The following PRKCZ variants were observed in gnomAD, a reference collection of about 807,000 sequenced individuals.
PRKCZ encodes protein kinase C zeta, also known as protein kinase C zeta type.
A neutral mutation model predicts 79.5 loss-of-function variants in PRKCZ; 33 were observed. That is an observed-to-expected ratio of 0.41 (90% CI 0.31 to 0.55). The LOEUF is 0.55. PRKCZ is among the 20% of genes least tolerant of loss of function. PRKCZ has a pLI of 0.19. For missense variants in PRKCZ, 578 were observed against 813.5 expected, an observed-to-expected ratio of 0.71 and a Z score of 3.52; for synonymous variants, 342 against 320.9, an observed-to-expected ratio of 1.07 and a Z score of -0.70.
At position 2,174,041 on chromosome 1, in the gene PRKCZ, A is replaced by G. The variant is rs1473914287; in HGVS notation, c.1405+25A>G. The stretch of plus-strand genomic sequence containing the variant: ...GGTGCGTGCCCCGCTGTGCGTTCGT[A>G]CCCCTCACCTGCACGACTGTCTTCC... On this transcript the variant is annotated intron_variant, in intron 14 of 17. Coordinates refer to ENST00000378567, the MANE Select transcript of PRKCZ (RefSeq NM_002744.6). This position sits in a 1 kb window ranked among gnomAD's most constrained non-coding sequence, Gnocchi z 6.2. 1.9e-6 allele frequency: 3 copies of G among 1,567,194 alleles called. No homozygotes were observed. The highest frequency in any genetic ancestry group is 3.6e-5 in the Admixed American group (2 of 55,672).
intron 5 of PRKCZ, among the ~76,000 whole-genome samples, chr1:2,136,502 T>G (rs957499923): frequency 6.6e-6 from 1 of 152,072 alleles, no homozygotes; most frequent in South Asian, 2.1e-4. Flanking sequence ...GCAGAGGAGA[T>G]GCCAGGAGCA....
chr1:2,073,795 TCCCTG>T (rs1451267583), intron 4 of PRKCZ: 1 of 1,027,436 alleles, frequency 9.7e-7, no homozygotes, highest in East Asian at 9.6e-5. Context: ...CGCTCGAGCC[TCCCTG>T]CCTATTGTCG....
At chr1:2,095,012 T>C (rs1389892407) in intron 4 of PRKCZ, among the ~76,000 whole-genome samples, 1 of 152,128 alleles carries the variant, frequency 6.6e-6, no homozygotes, top group South Asian at 2.1e-4. Context: ...ATGCAGACAC[T>C]GACTGTCACC....
intron 16 of PRKCZ, among the ~76,000 whole-genome samples, chr1:2,183,203 C>T (rs1686971369): frequency 6.7e-6 from 1 of 149,604 alleles, no homozygotes; most frequent in South Asian, 2.1e-4. Flanking sequence ...TGCACTTCAG[C>T]CTGGGAGACA....
chr1:2,103,650 C>G (rs1667876919), intron 4 of PRKCZ, among the ~76,000 whole-genome samples: 1 of 152,218 alleles, frequency 6.6e-6, no homozygotes, highest in African/African-American at 2.4e-5. Context: ...GGGAGGATCG[C>G]TTGAGCCCAG....
chr1:2,121,683 G>C lies in PRKCZ; in HGVS notation c.335-13579G>C, dbSNP rs1261923819. Among the ~76,000 whole-genome samples, 7 of 57,876 alleles carry C rather than the reference G, an allele frequency of 1.2e-4. 1 individual carries two copies. Among genetic ancestry groups the C allele is most frequent in the African/African-American group, 7.5e-4 (7 of 9,324 alleles). The allele number at this position is 57,876 out of a possible 152,430, so 38.0% of individuals were successfully genotyped here. On this transcript the variant is annotated intron_variant, in intron 4 of 17. Transcript: ENST00000378567. ...GGTTAGGGTCGTGGTGGTGGTTAGG[G>C]TCACGGTGGTGGTTAGGGTCACGGT...
chr1:2,163,048 G>A (rs1682621872), intron 10 of PRKCZ, among the ~76,000 whole-genome samples: 1 of 152,212 alleles, frequency 6.6e-6, no homozygotes, highest in Non-Finnish European at 1.5e-5. Flanking sequence ...CTCAGCCGCT[G>A]CAACCAGGTC....
At chr1:2,067,938 G>A (rs1020472320) in intron 4 of PRKCZ, among the ~76,000 whole-genome samples, 5 of 152,192 alleles carry the variant, frequency 3.3e-5, no homozygotes, top group Middle Eastern at 3.2e-3. Context: ...GGTGGCATCC[G>A]CTGGCACCTG....
chr1:2,051,031 C>A (rs1659589952), intron 1 of PRKCZ: 1 of 256,198 alleles, frequency 3.9e-6, no homozygotes, highest in East Asian at 7.0e-5. Flanking sequence ...TGAAAGTTTT[C>A]ATCAAGTTGT....
At chr1:2,126,456 TC>T (rs1253026761) in intron 4 of PRKCZ, among the ~76,000 whole-genome samples, 1 of 151,406 alleles carries the variant, frequency 6.6e-6, no homozygotes, top group Non-Finnish European at 1.5e-5. Context: ...ATTACCTGTC[TC>T]CCCCCAGCCG....
At chr1:2,181,534 G>T (rs970630744) in intron 16 of PRKCZ, among the ~76,000 whole-genome samples, 1 of 152,206 alleles carries the variant, frequency 6.6e-6, no homozygotes, top group Non-Finnish European at 1.5e-5. Flanking sequence ...AAGGTGTCAG[G>T]CACCATGGGT....
intron 17 of PRKCZ, 66 bp downstream of exon 17, chr1:2,184,764 T>C: frequency 6.7e-7 from 1 of 1,498,848 alleles, no homozygotes; most frequent in East Asian, 2.4e-5. Flanking sequence ...GCCGGCACCT[T>C]GGGCAGCTGG....
chr1:2,068,935 G>A (rs1484731813), intron 4 of PRKCZ, among the ~76,000 whole-genome samples: 1 of 152,096 alleles, frequency 6.6e-6, no homozygotes, highest in Non-Finnish European at 1.5e-5. Context: ...CGCCCCTTTC[G>A]GACCCCTCTA....
rs114005163 is a variant in PRKCZ, at chr1:2,115,398, C to G, written c.335-19864C>G. Among the ~76,000 whole-genome samples, 1,228 of 152,364 alleles carry G rather than the reference C, an allele frequency of 8.1e-3. 28 individuals carry two copies. The highest frequency in any genetic ancestry group is 0.028 in the African/African-American group (1,149 of 41,580). On this transcript the variant is annotated intron_variant, in intron 4 of 17. Transcript: ENST00000378567. ...AGGAGTGGAGTTTCCGGGAAACAGA[C>G]GTTTCCCTCGCGTGGCCGCACCAGG...
In PRKCZ at chr1:2,057,697, C is replaced by G. The variant is rs527819542; in HGVS notation, c.283+1124C>G. 2.6e-4 allele frequency among the ~76,000 whole-genome samples: 39 copies of G among 152,184 alleles called. No homozygotes were observed. In the East Asian group the frequency reaches 4.8e-3, roughly 19 times the overall value. Reference sequence around the variant, plus strand: ...CCTGGGCAACATAGTGAGACCCCCCCCTCTCCAAAACTTGTTTTATTTTTT... The same window carrying G: ...CCTGGGCAACATAGTGAGACCCCCCGCTCTCCAAAACTTGTTTTATTTTTT... On this transcript the variant is annotated intron_variant, in intron 3 of 17. Coordinates refer to ENST00000378567, the MANE Select transcript of PRKCZ (RefSeq NM_002744.6).
intron 4 of PRKCZ, among the ~76,000 whole-genome samples, chr1:2,131,825 T>C (rs1015899381): frequency 6.6e-6 from 1 of 152,254 alleles, no homozygotes; most frequent in Admixed American, 6.5e-5. Flanking sequence ...ATGTTGTTTT[T>C]GTTTTTGAGA....
rs565014426 is a variant in PRKCZ, at chr1:2,055,188, C to T, written c.72-253C>T. 8.6e-5 allele frequency among the ~76,000 whole-genome samples: 13 copies of T among 151,810 alleles called. No individual in the cohort carries two copies. The South Asian group carries it at 1.9e-3, about 22-fold the overall frequency. On this transcript the variant is annotated intron_variant, in intron 1 of 17. Transcript: ENST00000378567. ...CGATCTCCTGACCTCGTGATCCACC[C>T]GCCTCGGCCTCCCAAAGTGCTGGGA...
At chr1:2,084,424 C>T (rs543579279) in intron 4 of PRKCZ, among the ~76,000 whole-genome samples, 1 of 152,230 alleles carries the variant, frequency 6.6e-6, no homozygotes, top group African/African-American at 2.4e-5. Context: ...CCTGCCTGGT[C>T]TCTGGGACCC....
intron 4 of PRKCZ, among the ~76,000 whole-genome samples, chr1:2,126,467 G>A (rs1385018232): frequency 3.9e-5 from 6 of 152,040 alleles, no homozygotes; most frequent in Admixed American, 2.6e-4. Context: ...CCCCCCAGCC[G>A]CCTTGGGCTG....
Sources: allele counts gnomAD v4.1 joint callset (sites outside exome capture counted in the v4.1 genomes callset), GRCh38; gene constraint gnomAD v4.1.1; non-coding constraint Gnocchi (gnomAD v3.1); transcripts MANE v1.5; gene names NCBI Gene and HGNC (gene_info 2026-07-23, HGNC 2026-07-21).